Variants in AJAP1 observed in about 807,000 individuals in gnomAD.
The protein encoded by AJAP1 is adherens junctions associated protein 1, also known as adherens junction-associated protein 1.
AJAP1 carries 5 observed loss-of-function variants against 35.0 expected under a neutral mutation model. The ratio of observed to expected loss-of-function variants is 0.14; its 90% CI spans 0.07 to 0.30. The LOEUF (loss-of-function observed/expected upper bound fraction) is 0.30, where lower values mean the gene tolerates loss of function less well. Among genes scored for constraint, AJAP1 ranks in the 10% least tolerant of loss-of-function variants. The pLI, the probability that AJAP1 is intolerant of heterozygous loss-of-function variation, is 1.00. For synonymous variants in AJAP1, 284 were observed against 249.3 expected (o/e 1.14, Z -1.31); for missense variants, 586 against 571.0 (o/e 1.03, Z -0.27).
At chr1:4,660,893 CT>C (rs777071612) in intron 1 of AJAP1, among the ~76,000 whole-genome samples, 1 of 152,194 alleles carries the variant, frequency 6.6e-6, no homozygotes, top group Non-Finnish European at 1.5e-5. Flanking sequence ...CTGTCCACAT[CT>C]TTACGTAAAT....
chr1:4,742,241 T>A (rs1430637211), intron 2 of AJAP1, among the ~76,000 whole-genome samples: 3 of 152,148 alleles, frequency 2.0e-5, no homozygotes, highest in Non-Finnish European at 4.4e-5. Context: ...AGTCACCCCC[T>A]CTCCAGTAAA....
At chr1:4,687,636 G>A (rs1387861649) in intron 1 of AJAP1, among the ~76,000 whole-genome samples, 1 of 152,208 alleles carries the variant, frequency 6.6e-6, no homozygotes, top group Non-Finnish European at 1.5e-5. Flanking sequence ...CACCTGGATT[G>A]TGATGACTCG....
At chr1:4,725,847 T>C (rs1640642973) in intron 2 of AJAP1, among the ~76,000 whole-genome samples, 1 of 152,158 alleles carries the variant, frequency 6.6e-6, no homozygotes, top group Non-Finnish European at 1.5e-5. Flanking sequence ...CGTCTCCTCC[T>C]CTATAAGGAC....
At chr1:4,673,235 A>C (rs1639285688) in intron 1 of AJAP1, among the ~76,000 whole-genome samples, 2 of 151,888 alleles carry the variant, frequency 1.3e-5, no homozygotes, top group South Asian at 4.2e-4. Context: ...GGGTGTTTAC[A>C]CTCCTGTGTT....
chr1:4,757,095 G>T (rs1272826248), intron 2 of AJAP1, among the ~76,000 whole-genome samples: 1 of 152,186 alleles, frequency 6.6e-6, no homozygotes, highest in Non-Finnish European at 1.5e-5. Context: ...CCCGAGCGAG[G>T]CTGGGAGGAT....
chr1:4,670,859 A>G (rs1268050029), intron 1 of AJAP1, among the ~76,000 whole-genome samples: 1 of 152,238 alleles, frequency 6.6e-6, no homozygotes, highest in Non-Finnish European at 1.5e-5. Flanking sequence ...GCAAATGACA[A>G]CAAACATTTC....
rs948411109 is a variant in AJAP1 at position 4,783,461 on chromosome 1, A to G, written c.*976A>G. 1 of 37,916 alleles carries G rather than the reference A, an allele frequency of 2.6e-5. No homozygotes were observed. Among genetic ancestry groups the G allele is most frequent in the Non-Finnish European group, 4.7e-5 (1 of 21,178 alleles). 2.3% of individuals were successfully genotyped at this position (37,916 alleles called of 1,614,324 possible). A position where few individuals can be genotyped will look rare whatever the true frequency, so the allele number is the denominator to read the frequency against. On this transcript the variant is annotated 3_prime_UTR_variant, in exon 6 of 6. Coordinates refer to ENST00000378191, the MANE Select transcript of AJAP1 (RefSeq NM_018836.4). Reference sequence around the variant, plus strand: ...AGAACTAAGAATGCCAAGGTTTTATATATGTGTGTGTATATATATATATAT... The same window carrying G: ...AGAACTAAGAATGCCAAGGTTTTATGTATGTGTGTGTATATATATATATAT...
intron 2 of AJAP1, among the ~76,000 whole-genome samples, chr1:4,738,726 T>A (rs1640989596): frequency 6.6e-6 from 1 of 152,098 alleles, no homozygotes; most frequent in Non-Finnish European, 1.5e-5. Flanking sequence ...CTGCTGGATG[T>A]AGGAGAGGCT....
chr1:4,726,481 G>GGCAC (rs1640662575), intron 2 of AJAP1, among the ~76,000 whole-genome samples: 1 of 152,052 alleles, frequency 6.6e-6, no homozygotes, highest in African/African-American at 2.4e-5. Flanking sequence ...GGGTGGTGTG[G>GGCAC]GTGCTCCTGG....
chr1:4,777,702 A>G (rs929125509), intron 5 of AJAP1: 2 of 152,228 alleles, frequency 1.3e-5, no homozygotes, highest in East Asian at 3.8e-4. Context: ...GCAAAGTCAT[A>G]AAAGCTCTTG....
At chr1:4,775,571 T>C (rs543584778) in intron 5 of AJAP1, among the ~76,000 whole-genome samples, 2 of 152,306 alleles carry the variant, frequency 1.3e-5, no homozygotes, top group South Asian at 2.1e-4. Context: ...GGCTGCACCT[T>C]GCTGGGGGCG....
At chr1:4,751,076 C>T (rs1641309398) in intron 2 of AJAP1, among the ~76,000 whole-genome samples, 1 of 151,946 alleles carries the variant, frequency 6.6e-6, no homozygotes, top group Non-Finnish European at 1.5e-5. Context: ...CCCAAGGCAG[C>T]CTCCTGCACA....
intron 1 of AJAP1, among the ~76,000 whole-genome samples, chr1:4,690,963 G>A (rs2100226171): frequency 6.6e-6 from 1 of 152,320 alleles, no homozygotes; most frequent in African/African-American, 2.4e-5. Flanking sequence ...TCACAGAAGG[G>A]CAGGCCATGT....
intron 5 of AJAP1, among the ~76,000 whole-genome samples, chr1:4,779,225 C>T (rs973867202): frequency 6.6e-6 from 1 of 151,928 alleles, no homozygotes; most frequent in Non-Finnish European, 1.5e-5. Context: ...GAAGCTGGAA[C>T]GTAGAGAGGA....
intron 1 of AJAP1, among the ~76,000 whole-genome samples, chr1:4,710,447 C>A (rs1215757646): frequency 7.2e-6 from 1 of 138,404 alleles, no homozygotes; most frequent in Non-Finnish European, 1.6e-5. Flanking sequence ...ACACTCACAC[C>A]CAGTCACACA....
intron 2 of AJAP1, among the ~76,000 whole-genome samples, chr1:4,730,515 C>T (rs576319674): frequency 6.6e-6 from 1 of 152,274 alleles, no homozygotes; most frequent in South Asian, 2.1e-4. Context: ...CTGCCTCTGC[C>T]GAAGCTGTTG....
intron 1 of AJAP1, among the ~76,000 whole-genome samples, chr1:4,678,055 C>T (rs1484558809): frequency 6.6e-6 from 1 of 152,196 alleles, no homozygotes; most frequent in Non-Finnish European, 1.5e-5. Flanking sequence ...TTCCCACATA[C>T]AGCAGAGAAA....
At position 4,783,392 on chromosome 1, in the gene AJAP1, C is replaced by T. The variant is rs764493614; in HGVS notation, c.*907C>T. On this transcript the variant is annotated 3_prime_UTR_variant, in exon 6 of 6. Transcript: ENST00000378191. ...TAAATGACAGCCTGCATTTGCTAGA[C>T]GGTTGGTGAGTGGCATCAAATGTGT... is the stretch of plus-strand genomic sequence containing the variant. 2.0e-5 allele frequency: 3 copies of T among 148,840 alleles called. No individual in the cohort carries two copies. Among genetic ancestry groups the T allele is most frequent in the Admixed American group, 6.7e-5 (1 of 14,828 alleles). The allele number at this position is 148,840 out of a possible 1,614,324, so 9.2% of individuals were successfully genotyped here.
chr1:4,700,042 A>G (rs1171994042), intron 1 of AJAP1, among the ~76,000 whole-genome samples: 1 of 152,132 alleles, frequency 6.6e-6, no homozygotes, highest in East Asian at 1.9e-4. Context: ...TCTTTGCACG[A>G]TTGCGTAGAG....
Sources: gnomAD v4.1 joint callset for allele counts (sites outside exome capture counted in the v4.1 genomes callset) on GRCh38, gnomAD v4.1.1 for gene constraint, MANE v1.5 for transcripts, NCBI Gene and HGNC (gene_info 2026-07-23, HGNC 2026-07-21) for gene names.